The following APTX variants were observed in gnomAD, a reference collection of about 807,000 sequenced individuals.
The protein encoded by APTX is aprataxin, also known as forkhead-associated domain histidine triad-like protein.
APTX carries 33 observed loss-of-function variants against 42.3 expected under a neutral mutation model. The ratio of observed to expected loss-of-function variants is 0.78; its 90% CI spans 0.59 to 1.04. The LOEUF is 1.04. Among genes scored for constraint, APTX ranks in the 50% least tolerant of loss-of-function variants. The probability of loss-of-function intolerance (pLI) is 0.00; values close to 1 mark genes in which losing one functional copy is unlikely to be tolerated. For synonymous variants in APTX, 130 were observed against 146.7 expected, an observed-to-expected ratio of 0.89 and a Z score of 0.82; for missense variants, 421 against 415.1, an observed-to-expected ratio of 1.01 and a Z score of -0.12.
upstream of APTX, among the ~76,000 whole-genome samples, chr9:33,002,815 G>A (rs1287130239): frequency 6.6e-6 from 1 of 152,190 alleles, no homozygotes; most frequent in Non-Finnish European, 1.5e-5. Flanking sequence ...TCATCAAGGT[G>A]GAGTATTGTT....
chr9:33,006,701 G>A (rs923722818), intron 1 of APTX, among the ~76,000 whole-genome samples: 10 of 152,102 alleles, frequency 6.6e-5, no homozygotes, highest in African/African-American at 1.7e-4. Context: ...TTGTGAGGGC[G>A]TCAAGAAAGA....
intron 6 of APTX, among the ~76,000 whole-genome samples, chr9:32,977,421 C>T (rs181929854): frequency 2.6e-5 from 4 of 152,122 alleles, no homozygotes; most frequent in African/African-American, 9.7e-5. Context: ...GAGTTCAAGG[C>T]CGCAGTGAGC....
Position 32,972,944 on chromosome 9 carries a change from G to C in APTX, c.*554C>G, listed in dbSNP as rs1025632277. 3.7e-5 allele frequency: 17 copies of C among 453,964 alleles called. No individual in the cohort carries two copies. The highest frequency in any genetic ancestry group is 7.1e-5 in the Non-Finnish European group (16 of 226,790). 28.1% of individuals were successfully genotyped at this position (453,964 alleles called of 1,614,324 possible). ...GAAGAACTGATGAGACAGAATTCCT[G>C]AGAAGGGAACATTTAGGTAATCTGG... On this transcript the variant is annotated 3_prime_UTR_variant, in exon 8 of 8. Coordinates refer to ENST00000379817, the MANE Select transcript of APTX (RefSeq NM_001195248.2).
intron 5 of APTX, 152 bp downstream of exon 5, chr9:32,985,819 T>C (rs1171762122): frequency 2.0e-5 from 15 of 767,134 alleles, no homozygotes; most frequent in East Asian, 9.8e-5. Flanking sequence ...TTATTGCCAA[T>C]GTGAAAAGCC....
intron 1 of APTX, among the ~76,000 whole-genome samples, chr9:32,998,831 C>G (rs1835587940): frequency 6.7e-6 from 1 of 150,332 alleles, no homozygotes; most frequent in South Asian, 2.1e-4. Flanking sequence ...ATGTAACAAA[C>G]ATGCACGTTC....
At chr9:32,989,548 A>G in intron 2 of APTX, 2 of 746,780 alleles carry the variant, frequency 2.7e-6, no homozygotes, top group Middle Eastern at 2.7e-4. Flanking sequence ...ACTGCTCCCA[A>G]CCTTCACCCA....
chr9:33,006,526 G>C (rs1409016786), upstream of APTX, among the ~76,000 whole-genome samples: 2 of 152,162 alleles, frequency 1.3e-5, no homozygotes, highest in Non-Finnish European at 2.9e-5. Context: ...TAAGGGAAAA[G>C]CAGGTGAAGC....
chr9:32,992,683 A>G (rs933605532), intron 1 of APTX, among the ~76,000 whole-genome samples: 4 of 152,236 alleles, frequency 2.6e-5, no homozygotes, highest in Non-Finnish European at 5.9e-5. Context: ...TTTGAGCTTC[A>G]CAGTAAGATA....
chr9:33,002,738 A>G (rs1355581043), upstream of APTX, among the ~76,000 whole-genome samples: 1 of 152,204 alleles, frequency 6.6e-6, no homozygotes, highest in African/African-American at 2.4e-5. Flanking sequence ...CTTCCTTACC[A>G]TGCTTCAGCA....
At chr9:33,003,208 C>T (rs1482516086), upstream of APTX, among the ~76,000 whole-genome samples, 3 of 152,144 alleles carry the variant, frequency 2.0e-5, no homozygotes, top group Non-Finnish European at 4.4e-5. Flanking sequence ...ATATAATGTG[C>T]AAAATTGGGC....
chr9:33,015,092 C>T (rs925398743), intron 1 of APTX, among the ~76,000 whole-genome samples: 1 of 152,110 alleles, frequency 6.6e-6, no homozygotes, highest in Admixed American at 6.6e-5. Context: ...TGTTACTACC[C>T]GTGTTTTTAT....
At chr9:33,023,322 C>T (rs142042451) in intron 1 of APTX, among the ~76,000 whole-genome samples, 1 of 152,004 alleles carries the variant, frequency 6.6e-6, no homozygotes, top group African/African-American at 2.4e-5. Flanking sequence ...CTCCCAGGTT[C>T]AAGCGATTCT....
chr9:32,983,937 T>G (rs1474323318), intron 6 of APTX, among the ~76,000 whole-genome samples: 1 of 152,192 alleles, frequency 6.6e-6, no homozygotes, highest in Non-Finnish European at 1.5e-5. Flanking sequence ...TAGTAATGGT[T>G]GCATAGTAAT....
chr9:33,008,259 A>T (rs957032817), intron 1 of APTX, among the ~76,000 whole-genome samples: 2 of 151,188 alleles, frequency 1.3e-5, no homozygotes, highest in South Asian at 4.1e-4. Context: ...ACAACAAAGT[A>T]TTGGGGAAAA....
chr9:32,974,032 A>G (rs1406876065), intron 7 of APTX, among the ~76,000 whole-genome samples: 1 of 151,940 alleles, frequency 6.6e-6, no homozygotes, highest in Non-Finnish European at 1.5e-5. Context: ...AAAGCATCAC[A>G]CACCAGAAAA....
chr9:33,006,683 G>C (rs1837167579), intron 1 of APTX, among the ~76,000 whole-genome samples: 1 of 152,080 alleles, frequency 6.6e-6, no homozygotes, highest in Non-Finnish European at 1.5e-5. Context: ...CAGTAGAGAG[G>C]GAGAGGGTTG....
intron 1 of APTX, among the ~76,000 whole-genome samples, chr9:33,020,565 A>G (rs1484359075): frequency 2.6e-5 from 4 of 152,252 alleles, no homozygotes; most frequent in Non-Finnish European, 4.4e-5. Flanking sequence ...GGTTACTGTG[A>G]GGATAACAAT....
rs910034669 is a variant in APTX, at chr9:32,974,204, C to T, written c.874+254G>A. ...TAATTCTCACGGCAGCCTTTAAGTC[C>T]CCTTTTGTCACAATAAAACACTGAC... On this transcript the variant is annotated intron_variant, in intron 7 of 7. Transcript: ENST00000379817. Among the ~76,000 whole-genome samples, 8 of 152,252 alleles carry T rather than the reference C, an allele frequency of 5.3e-5. 1 individual carries two copies. Among genetic ancestry groups the T allele is most frequent in the Admixed American group, 5.2e-4 (8 of 15,276 alleles).
At chr9:32,977,102 A>C (rs1829598442) in intron 6 of APTX, among the ~76,000 whole-genome samples, 1 of 152,210 alleles carries the variant, frequency 6.6e-6, no homozygotes, top group South Asian at 2.1e-4. Flanking sequence ...CATGTTTTAA[A>C]CCGTTAAAAA....
Sources: allele counts gnomAD v4.1 joint callset (sites outside exome capture counted in the v4.1 genomes callset), GRCh38; gene constraint gnomAD v4.1.1; transcripts MANE v1.5; gene names NCBI Gene and HGNC (gene_info 2026-07-23, HGNC 2026-07-21).